NRG3: variants seen among roughly 807,000 people sequenced by gnomAD.
The protein encoded by NRG3 is neuregulin 3.
NRG3 carries 31 observed loss-of-function variants against 66.9 expected under a neutral mutation model. That is an observed-to-expected ratio of 0.46 (90% CI 0.35 to 0.63). NRG3 has a LOEUF of 0.63. Ranked by LOEUF, NRG3 falls within the 20% of genes least tolerant of loss-of-function variation. NRG3 has a pLI of 0.00. For missense variants in NRG3, 910 were observed against 878.9 expected, an observed-to-expected ratio of 1.04 and a Z score of -0.45; for synonymous variants, 393 against 359.4, an observed-to-expected ratio of 1.09 and a Z score of -1.06.
At chr10:82,173,817 A>G (rs1434984111) in intron 1 of NRG3, among the ~76,000 whole-genome samples, 3 of 151,718 alleles carry the variant, frequency 2.0e-5, no homozygotes, top group African/African-American at 7.3e-5. Flanking sequence ...AGAAACATAG[A>G]CCCTCACTCA....
intron 1 of NRG3, among the ~76,000 whole-genome samples, chr10:82,111,821 A>G (rs2132249705): frequency 6.6e-6 from 1 of 152,312 alleles, no homozygotes; most frequent in Admixed American, 6.5e-5. Flanking sequence ...TTTGCAATGA[A>G]TTTACACTTT....
intron 1 of NRG3, among the ~76,000 whole-genome samples, chr10:81,940,354 T>G (rs1377978515): frequency 1.3e-5 from 2 of 152,038 alleles, no homozygotes; most frequent in Non-Finnish European, 2.9e-5. Context: ...TGAGTTGTCT[T>G]TTTTGTTTTT....
At chr10:82,467,852 A>G (rs1034881277) in intron 2 of NRG3, among the ~76,000 whole-genome samples, 1 of 152,072 alleles carries the variant, frequency 6.6e-6, no homozygotes, top group Admixed American at 6.6e-5. Flanking sequence ...ATTAAATTTA[A>G]CTTGATTTTA....
intron 1 of NRG3, among the ~76,000 whole-genome samples, chr10:82,240,306 T>TA (rs533686818): frequency 7.2e-5 from 11 of 152,160 alleles, no homozygotes; most frequent in Non-Finnish European, 1.3e-4. Flanking sequence ...TGCATTTGAA[T>TA]AAAAAAAATC....
At chr10:82,738,697 T>A in intron 3 of NRG3, 47 bp downstream of exon 3, 1 of 1,486,724 alleles carries the variant, frequency 6.7e-7, no homozygotes, top group Non-Finnish European at 9.4e-7. Context: ...ATAGGCAGCG[T>A]TTATTCTGAG....
rs199883888 is a variant in NRG3, at chr10:82,249,119, AG to A, written c.824-109618del. ...ACTATTAAGTAAAGGTCTTTATTTT[AG>A]GTTTCTTTTTGGCCCCATATCTCTG... On this transcript the variant is annotated intron_variant, in intron 1 of 8. Coordinates refer to ENST00000372141, the MANE Select transcript of NRG3 (RefSeq NM_001010848.4). Among the ~76,000 whole-genome samples, 563 of 152,250 alleles carry A rather than the reference AG, an allele frequency of 3.7e-3. 2 individuals carry two copies. The highest frequency in any genetic ancestry group is 0.012 in the African/African-American group (488 of 41,540).
intron 1 of NRG3, among the ~76,000 whole-genome samples, chr10:81,996,041 G>A (rs891450620): frequency 2.0e-5 from 3 of 151,994 alleles, no homozygotes; most frequent in Non-Finnish European, 2.9e-5. Flanking sequence ...GAATAGCTTT[G>A]CTAAAGAGGA....
At chr10:82,931,857 A>T (rs1847609609) in intron 4 of NRG3, among the ~76,000 whole-genome samples, 1 of 152,198 alleles carries the variant, frequency 6.6e-6, no homozygotes. Flanking sequence ...AAGAGCAAAC[A>T]TTTATGGCAA....
intron 2 of NRG3, among the ~76,000 whole-genome samples, chr10:82,458,422 T>C (rs1198290334): frequency 6.6e-6 from 1 of 152,174 alleles, no homozygotes; most frequent in Non-Finnish European, 1.5e-5. Context: ...AACTCCATCC[T>C]GAGGAACTGG....
chr10:82,135,554 T>C (rs1284700524), intron 1 of NRG3, among the ~76,000 whole-genome samples: 1 of 152,092 alleles, frequency 6.6e-6, no homozygotes, highest in African/African-American at 2.4e-5. Context: ...TGACCTTGTA[T>C]TTTGTAATAG....
chr10:82,293,214 T>C (rs79140738), intron 1 of NRG3, among the ~76,000 whole-genome samples: 1 of 152,300 alleles, frequency 6.6e-6, no homozygotes, highest in Non-Finnish European at 1.5e-5. Context: ...TTCAATTTTT[T>C]GTTAAGTCAA....
At chr10:82,215,245 A>T (rs759217081) in intron 1 of NRG3, among the ~76,000 whole-genome samples, 18 of 152,326 alleles carry the variant, frequency 1.2e-4, no homozygotes, top group African/African-American at 4.1e-4. Context: ...TTGTAATTCA[A>T]ATTTGAATAG....
chr10:82,690,517 A>G (rs2054844908), intron 2 of NRG3, among the ~76,000 whole-genome samples: 1 of 152,180 alleles, frequency 6.6e-6, no homozygotes, highest in Non-Finnish European at 1.5e-5. Context: ...TTACCATCAG[A>G]AACATAAAAT....
At chr10:82,766,633 TC>T (rs2059523622) in intron 3 of NRG3, among the ~76,000 whole-genome samples, 1 of 152,106 alleles carries the variant, frequency 6.6e-6, no homozygotes, top group Admixed American at 6.6e-5. Context: ...GGTAGAGTTA[TC>T]TTGTAGTTCA....
intron 2 of NRG3, among the ~76,000 whole-genome samples, chr10:82,681,551 T>C (rs1253111498): frequency 1.3e-5 from 2 of 152,254 alleles, no homozygotes; most frequent in African/African-American, 4.8e-5. Flanking sequence ...AGTGCTTTAC[T>C]AGGCTTTTCT....
chr10:82,084,066 A>G (rs1221013400), intron 1 of NRG3, among the ~76,000 whole-genome samples: 1 of 151,858 alleles, frequency 6.6e-6, no homozygotes, highest in Non-Finnish European at 1.5e-5. Flanking sequence ...CATCTCTACT[A>G]AAAATACAAA....
At chr10:82,180,743 A>G (rs2073360751) in intron 1 of NRG3, among the ~76,000 whole-genome samples, 1 of 151,798 alleles carries the variant, frequency 6.6e-6, no homozygotes, top group South Asian at 2.1e-4. Context: ...GCTTCAGGGT[A>G]ATGCTAGCCT....
intron 3 of NRG3, among the ~76,000 whole-genome samples, chr10:82,788,292 C>T (rs749270098): frequency 9.2e-5 from 14 of 152,116 alleles, no homozygotes; most frequent in Admixed American, 4.6e-4. Flanking sequence ...AAGAAACTAC[C>T]GGAGCTGTGG....
chr10:82,709,524 A>T (rs369441669), intron 2 of NRG3, among the ~76,000 whole-genome samples: 1 of 151,900 alleles, frequency 6.6e-6, no homozygotes, highest in East Asian at 1.9e-4. Flanking sequence ...TGGGACTACA[A>T]GTGTGCGCCA....
Sources: allele counts gnomAD v4.1 joint callset (sites outside exome capture counted in the v4.1 genomes callset), GRCh38; gene constraint gnomAD v4.1.1; transcripts MANE v1.5; gene names NCBI Gene and HGNC (gene_info 2026-07-23, HGNC 2026-07-21).